Variants in WDR49 observed in about 807,000 individuals in gnomAD.
WDR49 encodes the protein cilia- and flagella-associated protein 337.
Under a neutral mutation model 119.5 loss-of-function variants are expected in WDR49, and 107 were observed. The observed-to-expected ratio is 0.90, with a 90% confidence interval of 0.77 to 1.05. WDR49 has a LOEUF of 1.05. Among genes scored for constraint, WDR49 ranks in the 50% least tolerant of loss-of-function variants. The pLI, the probability that WDR49 is intolerant of heterozygous loss-of-function variation, is 0.00. For missense variants in WDR49, 1,240 were observed against 1,220.5 expected (o/e 1.02, Z -0.24); for synonymous variants, 425 against 418.8 (o/e 1.01, Z -0.18).
At chr3:167,515,427 C>T (rs1438173151) in intron 16 of WDR49, among the ~76,000 whole-genome samples, 4 of 152,090 alleles carry the variant, frequency 2.6e-5, no homozygotes, top group African/African-American at 9.7e-5. Flanking sequence ...GCCTGCTATA[C>T]AATTCAACAT....
At chr3:167,606,512 C>T (rs1375240824) in intron 5 of WDR49, among the ~76,000 whole-genome samples, 1 of 152,178 alleles carries the variant, frequency 6.6e-6, no homozygotes, top group Non-Finnish European at 1.5e-5. Context: ...TTTTAAGCTT[C>T]TACTTCTTTA....
At chr3:167,602,015 AGT>A (rs1281117730) in intron 7 of WDR49, 110 bp downstream of exon 7, 3 of 1,305,360 alleles carry the variant, frequency 2.3e-6, no homozygotes, top group Non-Finnish European at 3.1e-6. Flanking sequence ...GTAGCTAGCC[AGT>A]ATATTTTAAA....
At chr3:167,508,458 TG>T (rs1485543032) in intron 16 of WDR49, among the ~76,000 whole-genome samples, 1 of 152,112 alleles carries the variant, frequency 6.6e-6, no homozygotes, top group Non-Finnish European at 1.5e-5. Flanking sequence ...AGGATTACAG[TG>T]AGAATTAAAT....
chr3:167,598,491 T>C (rs1316240491), intron 7 of WDR49, among the ~76,000 whole-genome samples: 1 of 152,042 alleles, frequency 6.6e-6, no homozygotes, highest in Non-Finnish European at 1.5e-5. Context: ...GTTCTCATGA[T>C]AGTAAGTGAG....
upstream of WDR49, among the ~76,000 whole-genome samples, chr3:167,655,447 A>G (rs537561002): frequency 4.8e-4 from 73 of 152,294 alleles, no homozygotes; most frequent in African/African-American, 1.7e-3. Flanking sequence ...TCCGGCTCTA[A>G]CATTCTCTGA....
intron 10 of WDR49, among the ~76,000 whole-genome samples, chr3:167,543,450 G>C (rs1711965946): frequency 6.6e-6 from 1 of 152,070 alleles, no homozygotes; most frequent in Admixed American, 6.6e-5. Context: ...ACATGATCAA[G>C]TGGGTTTCAT....
chr3:167,478,918 C>A lies in WDR49; in HGVS notation c.3110G>T (p.Cys1037Phe). Reference sequence around the variant, plus strand: ...CTTCACTTCACAACTTTTTTCTTGGCATAATTGCTTGGCTTTTCGTTCATG... The same window carrying A: ...CTTCACTTCACAACTTTTTTCTTGGAATAATTGCTTGGCTTTTCGTTCATG... ...LHHERKAKQL[C>F]QEKSCEVKKN... Residue 1037 changes from cysteine to phenylalanine, a missense_variant, in exon 19 of 19, where the codon TGC becomes TTC. By Grantham distance (205) the Cys-to-Phe change is radical. Coordinates refer to ENST00000682715, the MANE Select transcript of WDR49 (RefSeq NM_001366157.1). 6.2e-7 allele frequency: 1 copy of A among 1,608,836 alleles called. No individual in the cohort carries two copies. Among genetic ancestry groups the A allele is most frequent in the Non-Finnish European group, 8.5e-7 (1 of 1,178,770 alleles).
chr3:167,597,161 G>A (rs1042069616), intron 7 of WDR49, among the ~76,000 whole-genome samples: 2 of 152,234 alleles, frequency 1.3e-5, no homozygotes, highest in Non-Finnish European at 2.9e-5. Context: ...TGCTGCCTCT[G>A]TGCAGCCTCA....
At chr3:167,523,557 C>T (rs1752529980) in intron 15 of WDR49, among the ~76,000 whole-genome samples, 1 of 152,074 alleles carries the variant, frequency 6.6e-6, no homozygotes, top group Non-Finnish European at 1.5e-5. Flanking sequence ...TTCCCCCACC[C>T]CGCAACAGTC....
chr3:167,559,280 G>A (rs1713122480), intron 9 of WDR49, among the ~76,000 whole-genome samples: 1 of 152,114 alleles, frequency 6.6e-6, no homozygotes, highest in African/African-American at 2.4e-5. Flanking sequence ...AGTTATAGCA[G>A]GTTTGAGAAA....
At chr3:167,645,071 C>G (rs562727007) in intron 2 of WDR49, among the ~76,000 whole-genome samples, 1 of 151,670 alleles carries the variant, frequency 6.6e-6, no homozygotes, top group Admixed American at 6.6e-5. Flanking sequence ...TTAAAATACA[C>G]CAGAAAATAT....
chr3:167,487,695 C>T (rs544338087), intron 18 of WDR49, among the ~76,000 whole-genome samples: 12 of 151,960 alleles, frequency 7.9e-5, no homozygotes, highest in African/African-American at 2.7e-4. Flanking sequence ...CATAAAACAA[C>T]ACTATCAAAA....
intron 7 of WDR49, among the ~76,000 whole-genome samples, chr3:167,582,353 G>C (rs1387288703): frequency 6.6e-6 from 1 of 152,076 alleles, no homozygotes; most frequent in African/African-American, 2.4e-5. Flanking sequence ...TTATCTTAAA[G>C]TCATATAACA....
In WDR49 at chr3:167,575,783, T is replaced by C. The variant is rs1199870501; in HGVS notation, c.1509+135A>G. 8.4e-6 allele frequency: 7 copies of C among 837,152 alleles called. No individual in the cohort carries two copies. The East Asian group carries it at 1.6e-4, about 19-fold the overall frequency. The allele number at this position is 837,152 out of a possible 1,614,324, so 51.9% of individuals were successfully genotyped here. A position where few individuals can be genotyped will look rare whatever the true frequency, so the allele number is the denominator to read the frequency against. On this transcript the variant is annotated intron_variant, in intron 8 of 18. Coordinates refer to ENST00000682715, the MANE Select transcript of WDR49 (RefSeq NM_001366157.1). ...ATGTATATTATTGCAGAAAAGCACA[T>C]GGCTATTAAATCATTTCTTCCCATA... is the stretch of plus-strand genomic sequence containing the variant.
At chr3:167,544,305 A>G (rs1560278242) in intron 10 of WDR49, among the ~76,000 whole-genome samples, 1 of 152,082 alleles carries the variant, frequency 6.6e-6, no homozygotes, top group Non-Finnish European at 1.5e-5. Context: ...ACAGAATTAG[A>G]AAAAACAAAC....
chr3:167,551,897 G>A (rs138213861), intron 10 of WDR49, among the ~76,000 whole-genome samples: 1 of 151,958 alleles, frequency 6.6e-6, no homozygotes, highest in East Asian at 1.9e-4. Context: ...AGAAACTAGA[G>A]AGCACAAAGA....
At chr3:167,628,370 G>A (rs1004141834) in intron 2 of WDR49, among the ~76,000 whole-genome samples, 1 of 152,110 alleles carries the variant, frequency 6.6e-6, no homozygotes, top group Non-Finnish European at 1.5e-5. Flanking sequence ...AAACAGCCAA[G>A]TTATGAATGT....
At chr3:167,641,812 A>G (rs1019626436) in intron 2 of WDR49, among the ~76,000 whole-genome samples, 3 of 151,966 alleles carry the variant, frequency 2.0e-5, no homozygotes, top group African/African-American at 7.2e-5. Flanking sequence ...AGAGTATAAT[A>G]CAGCTGTTAA....
At chr3:167,585,551 A>G (rs982967651) in intron 7 of WDR49, among the ~76,000 whole-genome samples, 1 of 151,972 alleles carries the variant, frequency 6.6e-6, no homozygotes, top group South Asian at 2.1e-4. Flanking sequence ...AAATACAGAT[A>G]TATGTATATC....
Sources: allele counts gnomAD v4.1 joint callset (sites outside exome capture counted in the v4.1 genomes callset), GRCh38; gene constraint gnomAD v4.1.1; transcripts MANE v1.5; gene names NCBI Gene and HGNC (gene_info 2026-07-23, HGNC 2026-07-21).